The following FER variants were observed in gnomAD, a reference collection of about 807,000 sequenced individuals.
FER encodes FER tyrosine kinase.
FER carries 63 observed loss-of-function variants against 111.0 expected under a neutral mutation model. That is an observed-to-expected ratio of 0.57 (90% CI 0.46 to 0.70). FER has a LOEUF of 0.70. Among genes scored for constraint, FER ranks in the 30% least tolerant of loss-of-function variants. The probability of loss-of-function intolerance (pLI) is 0.00; values close to 1 mark genes in which losing one functional copy is unlikely to be tolerated. For missense variants in FER, 914 were observed against 954.0 expected, an observed-to-expected ratio of 0.96 and a Z score of 0.55; for synonymous variants, 327 against 313.9, an observed-to-expected ratio of 1.04 and a Z score of -0.44.
chr5:108,950,301 G>A (rs982819279), intron 11 of FER, among the ~76,000 whole-genome samples: 1 of 152,116 alleles, frequency 6.6e-6, no homozygotes, highest in African/African-American at 2.4e-5. Flanking sequence ...CTAGAGAACA[G>A]TTTTATTGTT....
At chr5:108,889,104 A>G (rs2150303907) in intron 9 of FER, among the ~76,000 whole-genome samples, 1 of 152,000 alleles carries the variant, frequency 6.6e-6, no homozygotes, top group South Asian at 2.1e-4. Context: ...ATGAGAAGAT[A>G]AAAACCTGAA....
chr5:108,924,690 T>C (rs565466961), intron 10 of FER: 1 of 1,232,076 alleles, frequency 8.1e-7, no homozygotes, highest in African/African-American at 1.5e-5. Context: ...GTCCTCATTG[T>C]AAGGATCAGC....
intron 10 of FER, among the ~76,000 whole-genome samples, chr5:108,921,218 C>A (rs1752978470): frequency 6.6e-6 from 1 of 152,070 alleles, no homozygotes; most frequent in Non-Finnish European, 1.5e-5. Context: ...TCTACTATTA[C>A]TACAATTATT....
At chr5:108,902,223 A>T (rs1400170914) in intron 10 of FER, among the ~76,000 whole-genome samples, 2 of 152,234 alleles carry the variant, frequency 1.3e-5, no homozygotes, top group African/African-American at 4.8e-5. Flanking sequence ...TAGAGCATTT[A>T]GAGATGATAT....
rs551681480 is a variant in FER at position 108,958,912 on chromosome 5, G to A, written c.1534-313G>A. On this transcript the variant is annotated intron_variant, in intron 12 of 19. Coordinates refer to ENST00000281092, the MANE Select transcript of FER (RefSeq NM_005246.4). ...TCCCATGCTTTGTTTCCTTTGGTTAGCATTTTAGCAAAATGCATTTCAGGT... is the reference window on the plus strand; with the variant it reads ...TCCCATGCTTTGTTTCCTTTGGTTAACATTTTAGCAAAATGCATTTCAGGT... Among the ~76,000 whole-genome samples, 4 of 151,814 alleles carry A rather than the reference G, an allele frequency of 2.6e-5. No individual in the cohort carries two copies. In the East Asian group the frequency reaches 7.7e-4, roughly 29 times the overall value.
At position 109,190,315 on chromosome 5, in the gene FER, G is replaced by A. The variant is rs1049188402; in HGVS notation, c.*2740G>A. The A allele has an allele frequency of 3.9e-5, 6 of 152,098 alleles. No homozygotes were observed. The highest frequency in any genetic ancestry group is 1.4e-4 in the African/African-American group (6 of 41,410). 9.4% of individuals were successfully genotyped at this position (152,098 alleles called of 1,614,324 possible). A position where few individuals can be genotyped will look rare whatever the true frequency, so the allele number is the denominator to read the frequency against. On this transcript the variant is annotated 3_prime_UTR_variant, in exon 20 of 20. Coordinates refer to ENST00000281092, the MANE Select transcript of FER (RefSeq NM_005246.4). ...AACCAAAATTTCTTCTGGTCCGGAT[G>A]TAATTAGTCCAGTCACAAATCTTTG...
At chr5:109,083,911 T>G (rs558331219) in intron 16 of FER, among the ~76,000 whole-genome samples, 1 of 152,176 alleles carries the variant, frequency 6.6e-6, no homozygotes, top group East Asian at 1.9e-4. Context: ...CCTTTGTCTC[T>G]GACCTGTGAG....
chr5:108,773,241 A>G (rs568939527), intron 2 of FER, among the ~76,000 whole-genome samples: 2 of 152,228 alleles, frequency 1.3e-5, no homozygotes, highest in East Asian at 3.9e-4. Context: ...GGTTTATTAT[A>G]TAGGTAAACA....
chr5:108,779,843 C>T lies in FER; in HGVS notation c.-60+11605C>T, dbSNP rs575207086. On this transcript the variant is annotated intron_variant, in intron 2 of 19. Transcript: ENST00000281092. Reference sequence around the variant, plus strand: ...GTAAGATGTTGAGAAGGAGAGGTGACGGGACAACCTTGCCTTGTTCCGGAT... The same window carrying T: ...GTAAGATGTTGAGAAGGAGAGGTGATGGGACAACCTTGCCTTGTTCCGGAT... 1.4e-3 allele frequency among the ~76,000 whole-genome samples: 209 copies of T among 152,206 alleles called. 1 individual carries two copies. Among genetic ancestry groups the T allele is most frequent in the African/African-American group, 4.4e-3 (184 of 41,552 alleles).
chr5:108,810,703 G>T (rs7735235), intron 3 of FER, among the ~76,000 whole-genome samples: 1 of 151,846 alleles, frequency 6.6e-6, no homozygotes, highest in African/African-American at 2.4e-5. Flanking sequence ...GGTGCTCCCA[G>T]TGGAGATCTG....
At chr5:108,829,970 G>T (rs1015690832) in intron 3 of FER, among the ~76,000 whole-genome samples, 4 of 152,214 alleles carry the variant, frequency 2.6e-5, no homozygotes, top group African/African-American at 9.7e-5. Flanking sequence ...TATGGAGCTT[G>T]CCAGGTGAAG....
chr5:109,099,758 G>A (rs560217284), intron 16 of FER, among the ~76,000 whole-genome samples: 45 of 151,554 alleles, frequency 3.0e-4, no homozygotes, highest in African/African-American at 9.9e-4. Flanking sequence ...CTCATGTTAT[G>A]TATGTCTTGG....
chr5:109,127,321 T>A (rs932445502), intron 17 of FER, among the ~76,000 whole-genome samples: 1 of 152,222 alleles, frequency 6.6e-6, no homozygotes, highest in Non-Finnish European at 1.5e-5. Context: ...GTGTATTGTA[T>A]GTCTTTATTA....
chr5:108,966,728 A>G (rs1759898343), intron 13 of FER, among the ~76,000 whole-genome samples: 1 of 152,104 alleles, frequency 6.6e-6, no homozygotes. Flanking sequence ...TTTGGAAAGC[A>G]TTTCTACAAA....
intron 17 of FER, among the ~76,000 whole-genome samples, chr5:109,144,575 A>T (rs564500745): frequency 6.6e-6 from 1 of 152,264 alleles, no homozygotes; most frequent in East Asian, 1.9e-4. Flanking sequence ...TAAAAGTGAG[A>T]ATATCTGAAA....
At chr5:109,136,453 T>C (rs1175239538) in intron 17 of FER, among the ~76,000 whole-genome samples, 1 of 152,180 alleles carries the variant, frequency 6.6e-6, no homozygotes, top group Non-Finnish European at 1.5e-5. Context: ...TCTCCAAGTA[T>C]GGGTAGCACA....
chr5:109,007,266 T>C (rs1171775741), intron 13 of FER, among the ~76,000 whole-genome samples: 1 of 152,210 alleles, frequency 6.6e-6, no homozygotes, highest in East Asian at 1.9e-4. Flanking sequence ...GTCTTTACAG[T>C]GTCCTTTCAT....
At chr5:108,915,849 A>G (rs974046208) in intron 10 of FER, among the ~76,000 whole-genome samples, 3 of 152,186 alleles carry the variant, frequency 2.0e-5, no homozygotes, top group Admixed American at 6.5e-5. Flanking sequence ...GGCAGATAAA[A>G]GGACAAACAA....
chr5:109,008,914 G>A (rs1303668810), intron 13 of FER, among the ~76,000 whole-genome samples: 2 of 152,078 alleles, frequency 1.3e-5, no homozygotes, highest in Non-Finnish European at 2.9e-5. Context: ...AGGTTGCAGT[G>A]AGCCAAGATC....
Sources: allele counts gnomAD v4.1 joint callset (sites outside exome capture counted in the v4.1 genomes callset), GRCh38; gene constraint gnomAD v4.1.1; transcripts MANE v1.5; gene names NCBI Gene and HGNC (gene_info 2026-07-23, HGNC 2026-07-21).